KRT18: variants seen among roughly 807,000 people sequenced by gnomAD.
KRT18 encodes the protein keratin 18, also known as keratin, type I cytoskeletal 18.
A neutral mutation model predicts 39.9 loss-of-function variants in KRT18; 8 were observed. The ratio of observed to expected loss-of-function variants is 0.20; its 90% CI spans 0.12 to 0.36. The LOEUF is 0.36. KRT18 is among the 10% of genes least tolerant of loss of function. The pLI is 1.00. For synonymous variants in KRT18, 194 were observed against 227.8 expected (o/e 0.85, Z 1.33); for missense variants, 396 against 565.7 (o/e 0.70, Z 3.04).
chr12:52,949,157 C>G lies in KRT18; in HGVS notation c.-17C>G. On this transcript the variant is annotated 5_prime_UTR_variant, in exon 1 of 7. Coordinates refer to ENST00000388835, the MANE Select transcript of KRT18 (RefSeq NM_000224.3). ...CCGCAAAGCCTGAGTCCTGTCCTTT[C>G]TCTCTCCCCGGACAGCATGAGCTTC... 6.5e-7 allele frequency: 1 copy of G among 1,547,838 alleles called. No individual in the cohort carries two copies. The highest frequency in any genetic ancestry group is 8.9e-7 in the Non-Finnish European group (1 of 1,124,290).
rs764767783 is a variant in KRT18, at chr12:52,950,718, A to G, written c.501-32A>G. ...GTTGAGAAGGTTCTGGATCAGAGAT[A>G]GGGGCCCCTCTGATCACCTCCACTC... is the stretch of plus-strand genomic sequence containing the variant. On this transcript the variant is annotated intron_variant, in intron 2 of 6. Transcript: ENST00000388835. 6 of 1,600,274 alleles carry G rather than the reference A, an allele frequency of 3.7e-6. No individual in the cohort carries two copies. In the Admixed American group the frequency reaches 1.0e-4, roughly 27 times the overall value.
upstream of KRT18, chr12:52,948,907 C>A (rs962725599): frequency 2.3e-5 from 10 of 436,930 alleles, no homozygotes; most frequent in Non-Finnish European, 3.9e-5. Context: ...CTGTCCGTGT[C>A]CATGCCCGGT....
chr12:52,952,000 C>G (rs1419723455), intron 5 of KRT18, 119 bp from the exon 6 acceptor site: 1 of 1,309,740 alleles, frequency 7.6e-7, no homozygotes, highest in Non-Finnish European at 1.1e-6. Context: ...CCCTCCACTC[C>G]TATCCCTTAT....
At chr12:52,951,017 T>C in intron 3 of KRT18, 111 bp downstream of exon 3, 1 of 1,025,824 alleles carries the variant, frequency 9.7e-7, no homozygotes, top group Non-Finnish European at 1.4e-6. Flanking sequence ...CGTTTAGAAA[T>C]AGCAGCCTGG....
intron 3 of KRT18, 24 bp downstream of exon 3, chr12:52,950,930 C>G (rs754468250): frequency 5.1e-6 from 8 of 1,553,772 alleles, no homozygotes; most frequent in Non-Finnish European, 4.3e-6. Flanking sequence ...ACTGGCCAGG[C>G]CAGGGATTGA....
At chr12:52,950,030 G>A (rs1445361209) in intron 1 of KRT18, 4 of 605,378 alleles carry the variant, frequency 6.6e-6, no homozygotes, top group Non-Finnish European at 1.2e-5. Flanking sequence ...GGGAAAAAAT[G>A]CCAGGAGAGG....
At chr12:52,951,404 A>G in intron 3 of KRT18, 77 bp from the exon 4 acceptor site, 5 of 1,396,548 alleles carry the variant, frequency 3.6e-6, no homozygotes, top group Non-Finnish European at 5.1e-6. Flanking sequence ...GCCTCCTAGA[A>G]GAGGCAATCA....
chr12:52,952,357 C>T lies in KRT18; in HGVS notation c.1172+15C>T, dbSNP rs1228470728. On this transcript the variant is annotated intron_variant, in intron 6 of 6. Coordinates refer to ENST00000388835, the MANE Select transcript of KRT18 (RefSeq NM_000224.3). ...GAGGACTTTAAGTGAGTGGGGCTCTCCTACCCACACGTGCTGGGATCAGGA... is the reference window on the plus strand; with the variant it reads ...GAGGACTTTAAGTGAGTGGGGCTCTTCTACCCACACGTGCTGGGATCAGGA... 6.6e-7 allele frequency: 1 copy of T among 1,512,122 alleles called. No individual in the cohort carries two copies. Among genetic ancestry groups the T allele is most frequent in the Non-Finnish European group, 9.1e-7 (1 of 1,100,430 alleles). The allele number at this position is 1,512,122 out of a possible 1,614,324, so 93.7% of individuals were successfully genotyped here.
At position 52,952,301 on chromosome 12, in the gene KRT18, C is replaced by T. The variant is rs765547912; in HGVS notation, c.1131C>T (p.Ile377=). The T allele has an allele frequency of 6.2e-7, 1 of 1,607,322 alleles. No individual in the cohort carries two copies. Among genetic ancestry groups the T allele is most frequent in the Non-Finnish European group, 8.5e-7 (1 of 1,177,790 alleles). Reference sequence around the variant, plus strand: ...TCAAGGTCAAGCTGGAGGCTGAGATCGCCACCTACCGCCGCCTGCTGGAAG... The same window carrying T: ...TCAAGGTCAAGCTGGAGGCTGAGATTGCCACCTACCGCCGCCTGCTGGAAG... ...LNIKVKLEAE[I]ATYRRLLEDG... is the part of the protein sequence containing the mutation. Residue 377 remains isoleucine, a synonymous_variant, in exon 6 of 7, where the codon ATC becomes ATT. Coordinates refer to ENST00000388835, the MANE Select transcript of KRT18 (RefSeq NM_000224.3).
intron 3 of KRT18, among the ~76,000 whole-genome samples, 197 bp from the exon 4 acceptor site, chr12:52,951,284 A>G (rs1942483325): frequency 6.6e-6 from 1 of 152,144 alleles, no homozygotes; most frequent in Non-Finnish European, 1.5e-5. Flanking sequence ...AGTTACAGAG[A>G]AACCATCAGT....
chr12:52,951,799 A>G lies in KRT18; in HGVS notation c.891A>G (p.Thr297=). 6.2e-7 allele frequency: 1 copy of G among 1,611,704 alleles called. No individual in the cohort carries two copies. Among genetic ancestry groups the G allele is most frequent in the South Asian group, 1.1e-5 (1 of 91,082 alleles). The change falls in exon 5 of 7, where the codon ACA becomes ACG. Residue 297 remains threonine, a synonymous_variant. Coordinates refer to ENST00000388835, the MANE Select transcript of KRT18 (RefSeq NM_000224.3). ...AEVGAAETTL[T]ELRRTVQSLE... The stretch of plus-strand genomic sequence containing the variant: ...TTGGAGCTGCTGAGACGACGCTCAC[A>G]GAGCTGAGACGTACAGTCCAGTCCT...
At position 52,952,126 on chromosome 12, in the gene KRT18, G is replaced by A. The variant is rs1303493962; in HGVS notation, c.956G>A (p.Ser319Asn). ...CTCTCTGTGCCCCTGCAGAAGGCCA[G>A]CTTGGAGAACAGCCTGAGGGAGGTG... ...DLDSMRNLKASLENSLREVEA... is the reference protein window; with the variant it reads ...DLDSMRNLKANLENSLREVEA... Residue 319 changes from serine to asparagine, a missense_variant, in exon 6 of 7, where the codon AGC becomes AAC. Coordinates refer to ENST00000388835, the MANE Select transcript of KRT18 (RefSeq NM_000224.3). 6.4e-7 allele frequency: 1 copy of A among 1,560,386 alleles called. No individual in the cohort carries two copies. The highest frequency in any genetic ancestry group is 1.7e-4 in the Middle Eastern group (1 of 5,986).
intron 3 of KRT18, 36 bp from the exon 4 acceptor site, chr12:52,951,445 C>T (rs774211009): frequency 2.5e-6 from 4 of 1,610,558 alleles, no homozygotes; most frequent in Non-Finnish European, 3.4e-6. Context: ...AGCTCTGACC[C>T]TGAACCCTCC....
At chr12:52,949,931 AG>A in intron 1 of KRT18, 1 of 637,458 alleles carries the variant, frequency 1.6e-6, no homozygotes, top group East Asian at 2.7e-5. Flanking sequence ...GATGTGGCTA[AG>A]GCTGAGTCAT....
upstream of KRT18, chr12:52,949,076 G>C: frequency 8.7e-7 from 1 of 1,145,820 alleles, no homozygotes; most frequent in South Asian, 1.3e-5. Flanking sequence ...CGGGGGCGGG[G>C]CCTCACTCTG....
In KRT18 at chr12:52,952,334, G is replaced by A. The variant is rs999709039; in HGVS notation, c.1164G>A (p.Glu388=). 4.4e-6 allele frequency: 7 copies of A among 1,595,660 alleles called. No individual in the cohort carries two copies. The highest frequency in any genetic ancestry group is 6.0e-6 in the Non-Finnish European group (7 of 1,170,074). ...ACCGCCGCCTGCTGGAAGATGGCGAGGACTTTAAGTGAGTGGGGCTCTCCT... is the reference window on the plus strand; with the variant it reads ...ACCGCCGCCTGCTGGAAGATGGCGAAGACTTTAAGTGAGTGGGGCTCTCCT... The part of the protein sequence containing the change: ...ATYRRLLEDG[E]DFNLGDALDS... The change falls in exon 6 of 7, where the codon GAG becomes GAA. Residue 388 remains glutamate, a synonymous_variant. Transcript: ENST00000388835.
chr12:52,951,436 G>C (rs768404864), intron 3 of KRT18, 45 bp from the exon 4 acceptor site: 1 of 1,595,988 alleles, frequency 6.3e-7, no homozygotes, highest in South Asian at 1.1e-5. Flanking sequence ...CCTTGTTGGA[G>C]CTCTGACCCT....
chr12:52,950,149 T>C, intron 1 of KRT18, 179 bp from the exon 2 acceptor site: 1 of 718,830 alleles, frequency 1.4e-6, no homozygotes, highest in South Asian at 1.5e-5. Context: ...GATCTGGGAA[T>C]CCAGGAAAGG....
rs555697290 is a variant in KRT18, at chr12:52,950,638, G to C, written c.501-112G>C. The C allele has an allele frequency of 9.6e-5, 108 of 1,122,806 alleles. No homozygotes were observed. The African/African-American group carries it at 1.5e-3, about 15-fold the overall frequency. The allele number at this position is 1,122,806 out of a possible 1,614,324, so 69.6% of individuals were successfully genotyped here. A position where few individuals can be genotyped will look rare whatever the true frequency, so the allele number is the denominator to read the frequency against. ...CTCAGGGGATTACCACCTAATTGCT[G>C]ACTCAAGTTGCTGGTTTGCAATGGG... On this transcript the variant is annotated intron_variant, in intron 2 of 6. Coordinates refer to ENST00000388835, the MANE Select transcript of KRT18 (RefSeq NM_000224.3).
Sources: gnomAD v4.1 joint callset for allele counts (sites outside exome capture counted in the v4.1 genomes callset) on GRCh38, gnomAD v4.1.1 for gene constraint, MANE v1.5 for transcripts, NCBI Gene and HGNC (gene_info 2026-07-23, HGNC 2026-07-21) for gene names.